Variants in ARHGEF7 observed in about 807,000 individuals in gnomAD.
ARHGEF7 encodes PAK-interacting exchange factor beta.
ARHGEF7 carries 33 observed loss-of-function variants against 109.8 expected under a neutral mutation model. The observed-to-expected ratio is 0.30, with a 90% CI of 0.23 to 0.40. The LOEUF (loss-of-function observed/expected upper bound fraction) is 0.40, where lower values mean the gene tolerates loss of function less well. ARHGEF7 is among the 10% of genes least tolerant of loss of function. The pLI is 1.00. For synonymous variants in ARHGEF7, 458 were observed against 424.6 expected, an observed-to-expected ratio of 1.08 and a Z score of -0.97; for missense variants, 938 against 1,098.5, an observed-to-expected ratio of 0.85 and a Z score of 2.07.
intron 2 of ARHGEF7, among the ~76,000 whole-genome samples, chr13:111,159,395 A>G (rs1311073311): frequency 6.6e-6 from 1 of 152,228 alleles, no homozygotes; most frequent in Non-Finnish European, 1.5e-5. Flanking sequence ...CTTTGGCTAT[A>G]TACCCAGTAG....
At chr13:111,280,468 T>G in intron 14 of ARHGEF7, 70 bp from the exon 15 acceptor site, 1 of 1,581,842 alleles carries the variant, frequency 6.3e-7, no homozygotes, top group East Asian at 2.2e-5. Flanking sequence ...AGTGGAATTC[T>G]GGGGGGTGTG....
chr13:111,173,755 G>T (rs538425472), intron 2 of ARHGEF7, among the ~76,000 whole-genome samples: 3 of 150,394 alleles, frequency 2.0e-5, no homozygotes, highest in African/African-American at 7.3e-5. Flanking sequence ...CGTGTTTGAG[G>T]ATGTCATTTG....
intron 19 of ARHGEF7, chr13:111,295,095 T>A: frequency 1.0e-6 from 1 of 983,032 alleles, no homozygotes; most frequent in South Asian, 4.7e-5. Flanking sequence ...TTGTACAGTA[T>A]GCATATTATT....
intron 6 of ARHGEF7, among the ~76,000 whole-genome samples, chr13:111,238,174 C>G (rs1390063268): frequency 5.3e-5 from 8 of 152,136 alleles, no homozygotes. Context: ...GCTTAGGGTG[C>G]CCTTGTTGTG....
At chr13:111,181,613 A>G (rs2078737985) in intron 2 of ARHGEF7, among the ~76,000 whole-genome samples, 1 of 152,160 alleles carries the variant, frequency 6.6e-6, no homozygotes, top group Non-Finnish European at 1.5e-5. Flanking sequence ...GTTCTGAGGA[A>G]GTGTCTTGAG....
chr13:111,179,962 T>G, intron 2 of ARHGEF7, among the ~76,000 whole-genome samples: 1 of 152,194 alleles, frequency 6.6e-6, no homozygotes, highest in East Asian at 1.9e-4. Flanking sequence ...AGATCTCGGT[T>G]ATAAGGGTGC....
intron 19 of ARHGEF7, chr13:111,293,176 T>A: frequency 1.0e-6 from 1 of 985,414 alleles, no homozygotes; most frequent in Non-Finnish European, 1.2e-6. Flanking sequence ...CCTCTGCAAG[T>A]GTAGACTACT....
intron 9 of ARHGEF7, 61 bp downstream of exon 9, chr13:111,267,731 T>C: frequency 6.3e-7 from 1 of 1,591,860 alleles, no homozygotes; most frequent in Non-Finnish European, 8.6e-7. Context: ...CTTCAAATAG[T>C]GCATGAAATA....
At chr13:111,178,103 G>A (rs2078347592) in intron 2 of ARHGEF7, among the ~76,000 whole-genome samples, 1 of 152,120 alleles carries the variant, frequency 6.6e-6, no homozygotes, top group African/African-American at 2.4e-5. Context: ...TCATCTTTTA[G>A]TCATTGCTTT....
At chr13:111,299,725 G>A (rs2093518329) in intron 19 of ARHGEF7, among the ~76,000 whole-genome samples, 1 of 152,134 alleles carries the variant, frequency 6.6e-6, no homozygotes, top group Non-Finnish European at 1.5e-5. Flanking sequence ...CACAGCAAGT[G>A]CCTTTCTTAT....
chr13:111,291,276 C>A (rs188843967), intron 18 of ARHGEF7, among the ~76,000 whole-genome samples: 72 of 152,384 alleles, frequency 4.7e-4, no homozygotes, highest in African/African-American at 1.6e-3. Flanking sequence ...TAGTTGCCAG[C>A]CACTCGTGAT....
chr13:111,263,039 G>A (rs141776531), intron 8 of ARHGEF7, among the ~76,000 whole-genome samples: 159 of 152,314 alleles, frequency 1.0e-3, no homozygotes, highest in Non-Finnish European at 1.8e-3. Context: ...AGAGAACCGA[G>A]GGGAACATCC....
chr13:111,298,515 C>T (rs920230573), intron 19 of ARHGEF7, among the ~76,000 whole-genome samples: 5 of 152,330 alleles, frequency 3.3e-5, no homozygotes, highest in Admixed American at 6.5e-5. Flanking sequence ...AGCACAGGCA[C>T]CTGGAGTGTC....
chr13:111,128,720 A>T (rs562107643), intron 1 of ARHGEF7, among the ~76,000 whole-genome samples: 1 of 152,218 alleles, frequency 6.6e-6, no homozygotes, highest in Non-Finnish European at 1.5e-5. Flanking sequence ...TCTCAGCAAC[A>T]TATATTGCTG....
intron 1 of ARHGEF7, among the ~76,000 whole-genome samples, chr13:111,151,089 G>A (rs1329523317): frequency 2.6e-5 from 4 of 152,238 alleles, no homozygotes; most frequent in African/African-American, 7.2e-5. Flanking sequence ...ACTTAAAGTC[G>A]CCCTTGGCAT....
At chr13:111,171,721 T>TAAAAACAAAGCC (rs1335993601) in intron 2 of ARHGEF7, among the ~76,000 whole-genome samples, 4 of 152,260 alleles carry the variant, frequency 2.6e-5, no homozygotes, top group Admixed American at 2.6e-4. Context: ...AACAAAGCTC[T>TAAAAACAAAGCC]TCTGTGGCTG....
intron 21 of ARHGEF7, among the ~76,000 whole-genome samples, chr13:111,302,626 A>C (rs1595661593): frequency 6.6e-6 from 1 of 152,158 alleles, no homozygotes; most frequent in Non-Finnish European, 1.5e-5. Context: ...AGTGGCTGTT[A>C]CTTCCAGTCC....
chr13:111,188,816 C>T (rs975512151), intron 2 of ARHGEF7, among the ~76,000 whole-genome samples: 2 of 152,214 alleles, frequency 1.3e-5, no homozygotes, highest in African/African-American at 4.8e-5. Context: ...GGTGACCTAA[C>T]TGCTTCACTT....
chr13:111,157,144 A>G (rs2076398678), intron 2 of ARHGEF7, among the ~76,000 whole-genome samples: 2 of 152,212 alleles, frequency 1.3e-5, no homozygotes, highest in Admixed American at 6.5e-5. Context: ...TGTGAGTCGC[A>G]TTTATTGGTA....
Sources: allele counts gnomAD v4.1 joint callset (sites outside exome capture counted in the v4.1 genomes callset), GRCh38; gene constraint gnomAD v4.1.1; transcripts MANE v1.5; gene names NCBI Gene and HGNC (gene_info 2026-07-23, HGNC 2026-07-21).